Variants in GUCY1B1 observed in about 807,000 individuals in gnomAD.
GUCY1B1 encodes the protein guanylate cyclase soluble subunit beta-1.
A neutral mutation model predicts 71.0 loss-of-function variants in GUCY1B1; 43 were observed. The ratio of observed to expected loss-of-function variants is 0.61; its 90% CI spans 0.47 to 0.78. The LOEUF is 0.78. GUCY1B1 is among the 30% of genes least tolerant of loss of function. The pLI is 0.00. For missense variants in GUCY1B1, 535 were observed against 754.1 expected (o/e 0.71, Z 3.40); for synonymous variants, 266 against 259.7 (o/e 1.02, Z -0.23).
At position 155,802,339 on chromosome 4, in the gene GUCY1B1, C is replaced by G; in HGVS notation, c.1176-3C>G. ...GTGGCTTTCTGCTGATCCCACTGAA[C>G]AGATTGCTGTATTCTGTCCTTCCTC... is the stretch of plus-strand genomic sequence containing the variant. On this transcript the variant is annotated splice_polypyrimidine_tract_variant and splice_region_variant and intron_variant, in intron 9 of 13. Transcript: ENST00000264424. This position sits in a 1 kb window ranked among gnomAD's most constrained non-coding sequence, Gnocchi z 4.3. 6.2e-7 allele frequency: 1 copy of G among 1,613,796 alleles called. No individual in the cohort carries two copies. Among genetic ancestry groups the G allele is most frequent in the Non-Finnish European group, 8.5e-7 (1 of 1,179,808 alleles).
At position 155,802,553 on chromosome 4, in the gene GUCY1B1, T is replaced by A; in HGVS notation, c.1387T>A (p.Ser463Thr). 3.7e-6 allele frequency: 6 copies of A among 1,607,572 alleles called. No homozygotes were observed. The highest frequency in any genetic ancestry group is 5.1e-6 in the Non-Finnish European group (6 of 1,176,898). ...LYTRFDTLTD[S>T]RKNPFVYKVE... ...CACCAGATTTGACACACTGACTGAT[T>A]CCCGGAAAAACCCATTTGTTTATAA... Residue 463 changes from serine to threonine, a missense_variant, in exon 10 of 14, where the codon TCC becomes ACC. Physicochemically the swap from Ser to Thr is moderately conservative, Grantham distance 58 (BLOSUM62 1). Transcript: ENST00000264424. The surrounding 1 kb of genome is among the most constrained non-coding windows in gnomAD (Gnocchi z 4.3).
At chr4:155,780,109 G>A (rs529518849) in intron 4 of GUCY1B1, among the ~76,000 whole-genome samples, 9 of 152,160 alleles carry the variant, frequency 5.9e-5, no homozygotes, top group East Asian at 5.8e-4. Context: ...GTCTCTCGTC[G>A]TATCGTTTTC....
At chr4:155,780,783 G>A (rs1306805203) in intron 4 of GUCY1B1, among the ~76,000 whole-genome samples, 2 of 152,012 alleles carry the variant, frequency 1.3e-5, no homozygotes, top group African/African-American at 4.8e-5. Context: ...TATAAAAGAA[G>A]AGACATACAC....
intron 4 of GUCY1B1, among the ~76,000 whole-genome samples, chr4:155,778,920 A>C (rs142325796): frequency 1.3e-5 from 2 of 151,470 alleles, no homozygotes; most frequent in East Asian, 3.9e-4. Flanking sequence ...CTCTCTCTCA[A>C]TGCCCATGTT....
At chr4:155,799,126 G>A (rs940262886) in intron 8 of GUCY1B1, among the ~76,000 whole-genome samples, 3 of 152,262 alleles carry the variant, frequency 2.0e-5, no homozygotes, top group South Asian at 2.1e-4. Context: ...GTGAGCCACT[G>A]TGCCCAGCCT....
At chr4:155,772,267 A>G (rs1737742449) in intron 2 of GUCY1B1, among the ~76,000 whole-genome samples, 1 of 152,226 alleles carries the variant, frequency 6.6e-6, no homozygotes, top group Non-Finnish European at 1.5e-5. Context: ...GTTTGAGTAG[A>G]CATGGGGAGT....
intron 9 of GUCY1B1, among the ~76,000 whole-genome samples, chr4:155,801,102 T>C (rs1401008205): frequency 1.3e-5 from 2 of 152,204 alleles, no homozygotes; most frequent in African/African-American, 2.4e-5. Context: ...TTTTCCTAAA[T>C]TGTCAGCTTA....
intron 2 of GUCY1B1, among the ~76,000 whole-genome samples, chr4:155,765,703 C>T (rs957749547): frequency 6.6e-6 from 1 of 152,124 alleles, no homozygotes; most frequent in African/African-American, 2.4e-5. Context: ...CTTCAGATAA[C>T]CCAAACATGG....
intron 1 of GUCY1B1, 114 bp from the exon 2 acceptor site, chr4:155,759,673 G>C: frequency 2.9e-6 from 2 of 695,070 alleles, no homozygotes; most frequent in East Asian, 5.4e-5. Flanking sequence ...AGGAGTCAGG[G>C]GCGGGGTGAA....
In GUCY1B1 at chr4:155,804,582, C is replaced by CT. The variant is rs1197992542; in HGVS notation, c.1555-5dup. The CT allele has an allele frequency of 1.3e-6, 2 of 1,591,978 alleles. No homozygotes were observed. The highest frequency in any genetic ancestry group is 2.2e-5 in the East Asian group (1 of 44,732). On this transcript the variant is annotated splice_polypyrimidine_tract_variant and intron_variant, in intron 11 of 13. Transcript: ENST00000264424. ...ATCAAAATGATTGAAGCAAAGCTTT[C>CT]TTTTTTGCAGATAACAATAGGGATA...
rs1739031236 is a variant in GUCY1B1 at position 155,789,732 on chromosome 4, G to A, written c.316G>A (p.Asp106Asn). 1.2e-6 allele frequency: 2 copies of A among 1,603,376 alleles called. No individual in the cohort carries two copies. Among genetic ancestry groups the A allele is most frequent in the Non-Finnish European group, 8.5e-7 (1 of 1,173,126 alleles). ...EFLQNLDALH[D>N]HLATIYPGMR... The stretch of plus-strand genomic sequence containing the variant: ...GCTGCAGAACCTTGATGCTCTGCAC[G>A]ACCACCTTGCTACCATCTACCCAGG... Residue 106 changes from aspartate to asparagine, a missense_variant, in exon 5 of 14, where the codon GAC becomes AAC. By Grantham distance (23) the Asp-to-Asn change is conservative (BLOSUM62 1). Coordinates refer to ENST00000264424, the MANE Select transcript of GUCY1B1 (RefSeq NM_000857.5).
chr4:155,799,836 A>AT, intron 8 of GUCY1B1, 41 bp from the exon 9 acceptor site: 1 of 1,205,418 alleles, frequency 8.3e-7, no homozygotes, highest in Non-Finnish European at 1.2e-6. Context: ...TGTCATGTAT[A>AT]TAAGTTGAGA....
intron 2 of GUCY1B1, among the ~76,000 whole-genome samples, chr4:155,765,336 A>C (rs994457230): frequency 6.6e-6 from 1 of 152,320 alleles, no homozygotes; most frequent in East Asian, 1.9e-4. Context: ...AATGAATGCT[A>C]TAAAGAAATC....
At chr4:155,791,814 A>G (rs906173107) in intron 5 of GUCY1B1, among the ~76,000 whole-genome samples, 2 of 151,362 alleles carry the variant, frequency 1.3e-5, no homozygotes, top group African/African-American at 2.4e-5. Context: ...GAGTGAACGT[A>G]TATGCATATT....
intron 2 of GUCY1B1, chr4:155,772,730 G>C: frequency 1.4e-6 from 1 of 702,502 alleles, no homozygotes; most frequent in Non-Finnish European, 2.6e-6. Context: ...AGAAAAGAGA[G>C]ATTTTAATGC....
At chr4:155,797,735 A>AAATAATAATCATAAT (rs1554013185) in intron 8 of GUCY1B1, among the ~76,000 whole-genome samples, 2 of 144,978 alleles carry the variant, frequency 1.4e-5, no homozygotes, top group East Asian at 3.9e-4. Context: ...CACTGTCTCA[A>AAATAATAATCATAAT]AATAATAATA....
rs1249594508 is a variant in GUCY1B1 at position 155,807,388 on chromosome 4, C to A, written c.*979C>A. ...CTTAGTTTACTTTCAGCATAGAATG[C>A]ATTACTGTTGGAATAATTGGCCTCT... On this transcript the variant is annotated 3_prime_UTR_variant, in exon 14 of 14. Transcript: ENST00000264424. 1 of 152,132 alleles carries A rather than the reference C, an allele frequency of 6.6e-6. No individual in the cohort carries two copies. Among genetic ancestry groups the A allele is most frequent in the Non-Finnish European group, 1.5e-5 (1 of 68,020 alleles). 9.4% of individuals were successfully genotyped at this position (152,132 alleles called of 1,614,324 possible). A position where few individuals can be genotyped will look rare whatever the true frequency, so the allele number is the denominator to read the frequency against.
At chr4:155,769,670 A>C (rs1183935896) in intron 2 of GUCY1B1, among the ~76,000 whole-genome samples, 1 of 152,172 alleles carries the variant, frequency 6.6e-6, no homozygotes. Flanking sequence ...TCTTGAACAC[A>C]GTTTAATCCA....
Position 155,759,039 on chromosome 4 carries a change from C to T in GUCY1B1, c.-102C>T. 1.2e-5 allele frequency: 15 copies of T among 1,276,074 alleles called. No individual in the cohort carries two copies. The highest frequency in any genetic ancestry group is 1.6e-5 in the Non-Finnish European group (14 of 902,788). The allele number at this position is 1,276,074 out of a possible 1,614,324, so 79.0% of individuals were successfully genotyped here. On this transcript the variant is annotated 5_prime_UTR_variant, in exon 1 of 14. Transcript: ENST00000264424. ...TGTTCTCGCTCCAGCTCGATGCTGC[C>T]TCCCCGGCCCGGTTGCGCTGTAGCC...
Sources: allele counts gnomAD v4.1 joint callset (sites outside exome capture counted in the v4.1 genomes callset), GRCh38; gene constraint gnomAD v4.1.1; non-coding constraint Gnocchi (gnomAD v3.1); transcripts MANE v1.5; gene names NCBI Gene and HGNC (gene_info 2026-07-23, HGNC 2026-07-21).